The following CNTN6 variants were observed in gnomAD, a reference collection of about 807,000 sequenced individuals.
CNTN6 encodes contactin 6, also known as contactin-6.
A neutral mutation model predicts 122.8 loss-of-function variants in CNTN6; 137 were observed. The observed-to-expected ratio is 1.12, with a 90% CI of 0.97 to 1.29. The LOEUF (loss-of-function observed/expected upper bound fraction) is 1.29. Ranked by LOEUF, CNTN6 falls within the 50% of genes most tolerant of loss-of-function variation. The pLI is 0.00. For synonymous variants in CNTN6, 570 were observed against 426.0 expected (o/e 1.34, Z -4.16); for missense variants, 1,634 against 1,223.4 (o/e 1.34, Z -5.01).
At chr3:1,326,978 A>G (rs976988071) in intron 9 of CNTN6, among the ~76,000 whole-genome samples, 1 of 151,938 alleles carries the variant, frequency 6.6e-6, no homozygotes, top group Non-Finnish European at 1.5e-5. Context: ...ACTTTATAGT[A>G]GTTTGTAGAA....
chr3:1,278,840 C>A (rs982300465), intron 5 of CNTN6, among the ~76,000 whole-genome samples: 1 of 152,058 alleles, frequency 6.6e-6, no homozygotes, highest in African/African-American at 2.4e-5. Context: ...ATTTATTTAC[C>A]CCACTTTGAG....
At chr3:1,222,093 T>G (rs1406905545) in intron 3 of CNTN6, among the ~76,000 whole-genome samples, 2 of 152,204 alleles carry the variant, frequency 1.3e-5, no homozygotes, top group East Asian at 3.9e-4. Flanking sequence ...TTCAGTGTCT[T>G]CTTTTTACAA....
intron 1 of CNTN6, among the ~76,000 whole-genome samples, chr3:1,124,455 A>G (rs1004593211): frequency 6.6e-6 from 1 of 151,816 alleles, no homozygotes; most frequent in Non-Finnish European, 1.5e-5. Context: ...CCTTTGGCCT[A>G]TTATCTTCCA....
At chr3:1,300,229 G>A (rs988116435) in intron 7 of CNTN6, among the ~76,000 whole-genome samples, 4 of 151,990 alleles carry the variant, frequency 2.6e-5, no homozygotes, top group African/African-American at 7.2e-5. Context: ...CTCGTGATCC[G>A]CCCGACTCAG....
chr3:1,220,834 A>T, intron 3 of CNTN6, 21 bp downstream of exon 3: 4 of 1,580,942 alleles, frequency 2.5e-6, no homozygotes, highest in Non-Finnish European at 3.4e-6. Context: ...ACCTGTGGGC[A>T]CCACACTATT....
chr3:1,296,305 T>C (rs1374698465), intron 6 of CNTN6, among the ~76,000 whole-genome samples: 1 of 152,052 alleles, frequency 6.6e-6, no homozygotes, highest in Non-Finnish European at 1.5e-5. Flanking sequence ...ACATTAATTA[T>C]GAGCATTCCA....
intron 20 of CNTN6, among the ~76,000 whole-genome samples, chr3:1,390,042 G>T (rs13321668): frequency 2.0e-4 from 30 of 151,952 alleles, no homozygotes; most frequent in Non-Finnish European, 3.2e-4. Context: ...ATTGAACTCA[G>T]CTCTGCACCA....
At chr3:1,199,633 CTATT>C (rs1559498627) in intron 2 of CNTN6, among the ~76,000 whole-genome samples, 2 of 152,072 alleles carry the variant, frequency 1.3e-5, no homozygotes, top group Non-Finnish European at 2.9e-5. Context: ...TCTCTGCTGC[CTATT>C]TGTTTTGGTT....
At chr3:1,146,783 A>C (rs552287422) in intron 1 of CNTN6, among the ~76,000 whole-genome samples, 2 of 152,138 alleles carry the variant, frequency 1.3e-5, no homozygotes, top group Non-Finnish European at 2.9e-5. Context: ...TAATTAATGA[A>C]TGAATAGATA....
In CNTN6 at chr3:1,397,658, T is replaced by G. The variant is rs566325390; in HGVS notation, c.2705-3775T>G. Among the ~76,000 whole-genome samples the G allele has an allele frequency of 5.3e-5, 8 of 152,250 alleles. No individual in the cohort carries two copies. The East Asian group carries it at 1.2e-3, about 22-fold the overall frequency. On this transcript the variant is annotated intron_variant, in intron 20 of 22. Transcript: ENST00000446702. ...AGTGAAACAAACAAAACACTACTTA[T>G]GTGGAAAGAAGTATTCAGACGCAAT...
rs1330838295 is a variant in CNTN6, at chr3:1,373,782, T to C, written c.1945+20T>C. 1.9e-6 allele frequency: 3 copies of C among 1,564,412 alleles called. No homozygotes were observed. In the South Asian group the frequency reaches 3.7e-5, roughly 19 times the overall value. On this transcript the variant is annotated intron_variant, in intron 15 of 22. Coordinates refer to ENST00000446702, the MANE Select transcript of CNTN6 (RefSeq NM_001289080.2). ...CTACAGGTGAGTGACAAAAGTGTTT[T>C]GGGTCACTTTAAAAATAATATTTTA...
At chr3:1,164,482 T>C (rs981652708) in intron 2 of CNTN6, among the ~76,000 whole-genome samples, 2 of 151,702 alleles carry the variant, frequency 1.3e-5, no homozygotes, top group African/African-American at 4.8e-5. Context: ...GCTTTCCTGA[T>C]TGAACCTTAA....
intron 1 of CNTN6, among the ~76,000 whole-genome samples, chr3:1,131,420 TCTCC>T (rs2092333215): frequency 4.6e-3 from 1 of 216 alleles, no homozygotes; most frequent in South Asian, 0.17. Flanking sequence ...AGGGGGTTGC[TCTCC>T]TTGACCTTGA....
chr3:1,266,845 C>T (rs1049298787), intron 4 of CNTN6, among the ~76,000 whole-genome samples: 3 of 152,004 alleles, frequency 2.0e-5, no homozygotes, highest in Non-Finnish European at 4.4e-5. Context: ...CCAAAACCAA[C>T]ACCTTCAGCC....
At chr3:1,287,790 G>A (rs554220484) in intron 5 of CNTN6, among the ~76,000 whole-genome samples, 2 of 152,276 alleles carry the variant, frequency 1.3e-5, no homozygotes, top group South Asian at 4.1e-4. Flanking sequence ...AAATGCCATG[G>A]CAACTTCTAG....
chr3:1,291,390 A>G (rs1695297845), intron 5 of CNTN6, among the ~76,000 whole-genome samples: 1 of 152,192 alleles, frequency 6.6e-6, no homozygotes, highest in African/African-American at 2.4e-5. Context: ...GGAGAGAGGA[A>G]AATTACAGTC....
chr3:1,334,402 A>C (rs1702758887), intron 11 of CNTN6, among the ~76,000 whole-genome samples: 1 of 148,198 alleles, frequency 6.7e-6, no homozygotes, highest in Non-Finnish European at 1.5e-5. Flanking sequence ...TGAGGCCACT[A>C]TTTCCTGGAT....
chr3:1,275,738 C>A (rs1254313560), intron 4 of CNTN6, among the ~76,000 whole-genome samples: 2 of 152,152 alleles, frequency 1.3e-5, no homozygotes, highest in African/African-American at 4.8e-5. Context: ...ACTTGGATCC[C>A]TCACATGCGC....
intron 2 of CNTN6, among the ~76,000 whole-genome samples, chr3:1,149,140 C>T (rs1357413793): frequency 3.3e-5 from 5 of 152,132 alleles, no homozygotes; most frequent in Non-Finnish European, 7.3e-5. Flanking sequence ...AGGCAATAAT[C>T]GTGGCTGTTT....
Sources: gnomAD v4.1 joint callset for allele counts (sites outside exome capture counted in the v4.1 genomes callset) on GRCh38, gnomAD v4.1.1 for gene constraint, MANE v1.5 for transcripts, NCBI Gene and HGNC (gene_info 2026-07-23, HGNC 2026-07-21) for gene names.